The following AADAT variants were observed in gnomAD, a reference collection of about 807,000 sequenced individuals.
The protein encoded by AADAT is kynurenine/alpha-aminoadipate aminotransferase, mitochondrial.
Under a neutral mutation model 56.2 loss-of-function variants are expected in AADAT, and 25 were observed. That is an observed-to-expected ratio of 0.44 (90% CI 0.32 to 0.62). AADAT has a LOEUF of 0.62. Among genes scored for constraint, AADAT ranks in the 20% least tolerant of loss-of-function variants. The pLI is 0.04. For missense variants in AADAT, 387 were observed against 510.5 expected, an observed-to-expected ratio of 0.76 and a Z score of 2.33; for synonymous variants, 173 against 164.7, an observed-to-expected ratio of 1.05 and a Z score of -0.39.
At chr4:170,066,522 T>C (rs548986259) in intron 9 of AADAT, 44 bp from the exon 10 acceptor site, 81 of 1,443,982 alleles carry the variant, frequency 5.6e-5, no homozygotes, top group Middle Eastern at 1.8e-4. Context: ...AGTACATTGA[T>C]TGCAGAAGCA....
rs1731602170 is a variant in AADAT, at chr4:170,068,617, T to C, written c.874A>G (p.Thr292Ala). 8 of 1,606,566 alleles carry C rather than the reference T, an allele frequency of 5.0e-6. No individual in the cohort carries two copies. In the East Asian group the frequency reaches 1.3e-4, roughly 27 times the overall value. Residue 292 changes from threonine (T) to alanine (A), a missense_variant, in exon 8 of 13, where the codon ACA becomes GCA. Thr to Ala is a moderately conservative substitution (Grantham distance 58, BLOSUM62 0). Coordinates refer to ENST00000337664, the MANE Select transcript of AADAT (RefSeq NM_016228.4). ...ERVILHIQVS[T>A]LHPSTFNQLM... ...TGGTTAAAAGTGCTGGGGTGCAATG[T>C]TGAAACTTGTATGTGTAAAATAACT...
rs931630625 is a variant in AADAT, at chr4:170,073,689, T to C, written c.445-344A>G. On this transcript the variant is annotated intron_variant, in intron 4 of 12. Coordinates refer to ENST00000337664, the MANE Select transcript of AADAT (RefSeq NM_016228.4). The stretch of plus-strand genomic sequence containing the variant: ...TAATTTTTTGTATTTTTAGTAGCGA[T>C]GGGGTTTCACCATGTTAGCCAGGAT... Among the ~76,000 whole-genome samples, 9 of 151,946 alleles carry C rather than the reference T, an allele frequency of 5.9e-5. No homozygotes were observed. The East Asian group carries it at 1.2e-3, about 20-fold the overall frequency.
At chr4:170,070,349 T>C in intron 6 of AADAT, 1 of 357,676 alleles carries the variant, frequency 2.8e-6, no homozygotes, top group South Asian at 3.8e-5. Flanking sequence ...AGCCAGCTAC[T>C]ATTTTGAAGG....
At chr4:170,093,426 G>A (rs7677657), upstream of AADAT, among the ~76,000 whole-genome samples, 2,656 of 152,162 alleles carry the variant, frequency 0.017, 83 homozygotes, top group African/African-American at 0.061. Context: ...TGAGCTGGGG[G>A]ATAGAGCGAG....
intron 5 of AADAT, among the ~76,000 whole-genome samples, chr4:170,072,925 T>C (rs1731844059): frequency 1.3e-5 from 2 of 152,182 alleles, no homozygotes; most frequent in South Asian, 2.1e-4. Context: ...ACATCAATTA[T>C]GGGGAAAGAA....
chr4:170,070,350 A>G (rs1212894096), intron 6 of AADAT: 1 of 360,766 alleles, frequency 2.8e-6, no homozygotes, highest in African/African-American at 2.2e-5. Context: ...GCCAGCTACT[A>G]TTTTGAAGGT....
chr4:170,064,685 T>C (rs770727268), intron 11 of AADAT, 34 bp downstream of exon 11: 19 of 1,511,296 alleles, frequency 1.3e-5, no homozygotes, highest in Non-Finnish European at 1.7e-5. Context: ...TAACTTTTCC[T>C]TAGGTTTCCC....
intron 1 of AADAT, 197 bp downstream of exon 1, chr4:170,089,427 G>A: frequency 1.6e-6 from 1 of 631,926 alleles, no homozygotes; most frequent in South Asian, 1.9e-5. Flanking sequence ...AGAAATACCC[G>A]CCTTCCGTTT....
chr4:170,065,851 T>A (rs1352643990), intron 10 of AADAT, among the ~76,000 whole-genome samples: 1 of 152,160 alleles, frequency 6.6e-6, no homozygotes, highest in Non-Finnish European at 1.5e-5. Flanking sequence ...AGGACAGAAA[T>A]AAGGAATTGC....
chr4:170,086,995 G>T, intron 3 of AADAT, 121 bp downstream of exon 3: 2 of 1,335,754 alleles, frequency 1.5e-6, no homozygotes, highest in South Asian at 1.3e-5. Context: ...AATTCTAGGT[G>T]AAGACAAGAA....
At chr4:170,082,834 G>A (rs956547179) in intron 3 of AADAT, among the ~76,000 whole-genome samples, 8 of 151,624 alleles carry the variant, frequency 5.3e-5, no homozygotes, top group African/African-American at 1.9e-4. Flanking sequence ...AACAAAGAAG[G>A]TCACTATATA....
At position 170,069,219 on chromosome 4, in the gene AADAT, T is replaced by C; in HGVS notation, c.732A>G (p.Pro244=). The C allele has an allele frequency of 6.2e-7, 1 of 1,613,742 alleles. No homozygotes were observed. The highest frequency in any genetic ancestry group is 1.7e-4 in the Middle Eastern group (1 of 6,060). Residue 244 remains proline (P), a synonymous_variant, in exon 7 of 13, where the codon CCA becomes CCG. Coordinates refer to ENST00000337664, the MANE Select transcript of AADAT (RefSeq NM_016228.4). ...YFLQFNKFRV[P]TFLSMDVDGR... ...CATCAACATCCATGGAAAGAAATGT[T>C]GGTACCCTGAACTTAAAATGAAAAA... is the stretch of plus-strand genomic sequence containing the variant.
upstream of AADAT, among the ~76,000 whole-genome samples, chr4:170,092,349 A>G (rs1312276024): frequency 1.3e-5 from 2 of 152,232 alleles, no homozygotes; most frequent in African/African-American, 4.8e-5. Context: ...GGAGTAAACA[A>G]ATCCAGCCGA....
intron 3 of AADAT, among the ~76,000 whole-genome samples, chr4:170,084,284 A>T (rs1732451687): frequency 6.6e-6 from 1 of 152,204 alleles, no homozygotes; most frequent in African/African-American, 2.4e-5. Context: ...AAATGTACTT[A>T]TTACCACTGA....
intron 12 of AADAT, among the ~76,000 whole-genome samples, chr4:170,061,452 T>C (rs1429337632): frequency 6.6e-6 from 1 of 152,222 alleles, no homozygotes; most frequent in Non-Finnish European, 1.5e-5. Flanking sequence ...ATAGCTCTTC[T>C]GTTTGATTTC....
At chr4:170,081,626 T>C (rs1030438374) in intron 3 of AADAT, among the ~76,000 whole-genome samples, 2 of 152,202 alleles carry the variant, frequency 1.3e-5, no homozygotes, top group Non-Finnish European at 2.9e-5. Flanking sequence ...TCAATGGAAC[T>C]GTACAGGTCA....
intron 3 of AADAT, among the ~76,000 whole-genome samples, chr4:170,084,497 C>A (rs1380521430): frequency 6.6e-6 from 1 of 152,110 alleles, no homozygotes; most frequent in Non-Finnish European, 1.5e-5. Flanking sequence ...TCACTAGAGC[C>A]AGGCAATAGA....
intron 4 of AADAT, among the ~76,000 whole-genome samples, 190 bp from the exon 5 acceptor site, chr4:170,073,535 C>T (rs927085250): frequency 2.7e-5 from 4 of 149,904 alleles, no homozygotes; most frequent in Admixed American, 6.7e-5. Context: ...GATGGAGTCT[C>T]GCTCTGTCAC....
upstream of AADAT, among the ~76,000 whole-genome samples, chr4:170,090,828 C>A (rs193253568): frequency 5.9e-5 from 9 of 152,258 alleles, no homozygotes; most frequent in East Asian, 1.5e-3. Context: ...TTAAAAAATT[C>A]TTTAATGGTT....
Sources: allele counts gnomAD v4.1 joint callset (sites outside exome capture counted in the v4.1 genomes callset), GRCh38; gene constraint gnomAD v4.1.1; transcripts MANE v1.5; gene names NCBI Gene and HGNC (gene_info 2026-07-23, HGNC 2026-07-21).